Variants in DPP10 observed in about 807,000 individuals in gnomAD.
DPP10 encodes dipeptidyl peptidase like 10, also known as inactive dipeptidyl peptidase 10.
In DPP10, 33 loss-of-function variants were observed where a neutral mutation model predicts 120.9. That is an observed-to-expected ratio of 0.27 (90% CI 0.21 to 0.37). The LOEUF (loss-of-function observed/expected upper bound fraction) is 0.37, where lower values mean the gene tolerates loss of function less well. Among genes scored for constraint, DPP10 ranks in the 10% least tolerant of loss-of-function variants. The pLI, the probability that DPP10 is intolerant of heterozygous loss-of-function variation, is 1.00. For missense variants in DPP10, 816 were observed against 942.8 expected (o/e 0.87, Z 1.76); for synonymous variants, 337 against 326.1 (o/e 1.03, Z -0.36).
At chr2:114,733,143 G>A (rs1677082253) in intron 1 of DPP10, among the ~76,000 whole-genome samples, 1 of 152,220 alleles carries the variant, frequency 6.6e-6, no homozygotes, top group Non-Finnish European at 1.5e-5. Flanking sequence ...CTGGTAAGAA[G>A]AAGTCTTAAG....
chr2:115,215,278 C>G (rs1047843748), intron 1 of DPP10, among the ~76,000 whole-genome samples: 4 of 151,984 alleles, frequency 2.6e-5, no homozygotes, highest in Non-Finnish European at 5.9e-5. Context: ...TTGTTTTTAT[C>G]CAGCAGGAAC....
intron 1 of DPP10, among the ~76,000 whole-genome samples, chr2:114,952,486 G>A (rs144387016): frequency 6.6e-6 from 1 of 152,260 alleles, no homozygotes; most frequent in East Asian, 1.9e-4. Context: ...GCAACACCAA[G>A]AGCCACCACT....
chr2:114,733,868 G>A (rs774004096), intron 1 of DPP10, among the ~76,000 whole-genome samples: 1 of 152,180 alleles, frequency 6.6e-6, no homozygotes, highest in Non-Finnish European at 1.5e-5. Flanking sequence ...AATAGACAGT[G>A]CCTTGTGGTA....
chr2:115,816,716 A>G (rs1687271058), intron 21 of DPP10, among the ~76,000 whole-genome samples: 2 of 149,666 alleles, frequency 1.3e-5, no homozygotes, highest in Non-Finnish European at 3.0e-5. Flanking sequence ...TCCCAGGTTC[A>G]AGCGATTCTC....
intron 1 of DPP10, among the ~76,000 whole-genome samples, chr2:114,844,008 A>T (rs767855719): frequency 2.0e-4 from 30 of 152,166 alleles, no homozygotes; most frequent in Non-Finnish European, 3.4e-4. Context: ...CTGTGATCTA[A>T]TTGGAGTTAG....
Position 115,009,186 on chromosome 2 carries a change from C to T in DPP10, c.61-300053C>T, listed in dbSNP as rs372718385. Among the ~76,000 whole-genome samples the T allele has an allele frequency of 1.4e-3, 208 of 146,570 alleles. 4 individuals carry two copies. In the East Asian group the frequency reaches 0.032, roughly 22 times the overall value. ...AAAGACTTGGAACCAACCCAAATGT[C>T]CAACAATGATAGACTGGATTAAGAA... is the stretch of plus-strand genomic sequence containing the variant. On this transcript the variant is annotated intron_variant, in intron 1 of 25. Transcript: ENST00000410059.
chr2:115,710,334 T>C (rs1004724733), intron 7 of DPP10, among the ~76,000 whole-genome samples: 12 of 152,062 alleles, frequency 7.9e-5, no homozygotes, highest in African/African-American at 1.9e-4. Flanking sequence ...AGTATGGGGG[T>C]ATGTATGTCT....
chr2:114,575,113 A>G (rs551261683), intron 1 of DPP10, among the ~76,000 whole-genome samples: 51 of 152,304 alleles, frequency 3.3e-4, no homozygotes, highest in Non-Finnish European at 5.6e-4. Context: ...ATGGGAAGCA[A>G]TGGGACATTT....
chr2:115,781,048 C>A, intron 16 of DPP10, 53 bp downstream of exon 16: 1 of 1,428,620 alleles, frequency 7.0e-7, no homozygotes, highest in South Asian at 1.5e-5. Flanking sequence ...TGTATTTGGT[C>A]AATATCTGTT....
intron 1 of DPP10, among the ~76,000 whole-genome samples, chr2:114,443,253 C>CT (rs1424630090): frequency 2.6e-5 from 4 of 151,814 alleles, no homozygotes; most frequent in Non-Finnish European, 4.4e-5. Flanking sequence ...ATCTCTTATC[C>CT]TTTTTTAAAA....
chr2:115,209,683 G>C (rs1260539357), intron 1 of DPP10, among the ~76,000 whole-genome samples: 2 of 152,052 alleles, frequency 1.3e-5, no homozygotes, highest in Non-Finnish European at 1.5e-5. Context: ...TGGTCTTGCA[G>C]CTCAGAACAG....
intron 1 of DPP10, among the ~76,000 whole-genome samples, chr2:114,909,134 T>C (rs1329755222): frequency 6.6e-6 from 1 of 151,948 alleles, no homozygotes; most frequent in Non-Finnish European, 1.5e-5. Context: ...AACTATATTA[T>C]CGTTAGGCAG....
chr2:115,346,569 A>G (rs2063722344), intron 3 of DPP10, among the ~76,000 whole-genome samples: 1 of 152,182 alleles, frequency 6.6e-6, no homozygotes, highest in Non-Finnish European at 1.5e-5. Flanking sequence ...CCTTACCCCA[A>G]GTCTGCTCAT....
intron 1 of DPP10, among the ~76,000 whole-genome samples, chr2:114,878,741 T>C (rs973136162): frequency 2.6e-5 from 4 of 152,096 alleles, no homozygotes; most frequent in Non-Finnish European, 2.9e-5. Flanking sequence ...GTTCCATCCA[T>C]GTTGCTGCAA....
intron 1 of DPP10, among the ~76,000 whole-genome samples, chr2:114,626,511 CT>C: frequency 6.6e-6 from 1 of 152,118 alleles, no homozygotes; most frequent in Admixed American, 6.6e-5. Context: ...GTTGGTTGAG[CT>C]GCCACGTTTC....
chr2:115,820,356 A>C (rs1269492840), intron 21 of DPP10, among the ~76,000 whole-genome samples: 1 of 151,610 alleles, frequency 6.6e-6, no homozygotes, highest in Non-Finnish European at 1.5e-5. Flanking sequence ...CTTGATCCTG[A>C]TTAGCCATTT....
intron 3 of DPP10, among the ~76,000 whole-genome samples, chr2:115,446,232 A>G (rs956806499): frequency 2.6e-5 from 4 of 152,252 alleles, no homozygotes; most frequent in African/African-American, 7.2e-5. Context: ...TAGAGCATGT[A>G]TGAAAATACC....
chr2:115,418,986 A>T (rs2069690821), intron 3 of DPP10, among the ~76,000 whole-genome samples: 1 of 152,138 alleles, frequency 6.6e-6, no homozygotes, highest in Non-Finnish European at 1.5e-5. Context: ...TAATGATTGT[A>T]TGAAGTCTAC....
At chr2:114,595,240 G>A (rs2105188802) in intron 1 of DPP10, among the ~76,000 whole-genome samples, 1 of 152,098 alleles carries the variant, frequency 6.6e-6, no homozygotes, top group East Asian at 1.9e-4. Context: ...GAGAAACAAG[G>A]GAGCCTATTT....
Sources: allele counts gnomAD v4.1 joint callset (sites outside exome capture counted in the v4.1 genomes callset), GRCh38; gene constraint gnomAD v4.1.1; transcripts MANE v1.5; gene names NCBI Gene and HGNC (gene_info 2026-07-23, HGNC 2026-07-21).